The following ITGA8 variants were observed in gnomAD, a reference collection of about 807,000 sequenced individuals.
The protein encoded by ITGA8 is integrin subunit alpha 8.
Under a neutral mutation model 142.3 loss-of-function variants are expected in ITGA8, and 91 were observed. The observed-to-expected ratio is 0.64, with a 90% CI of 0.54 to 0.76. The LOEUF (loss-of-function observed/expected upper bound fraction) is 0.76, where lower values mean the gene tolerates loss of function less well. ITGA8 is among the 30% of genes least tolerant of loss of function. ITGA8 has a pLI of 0.00. For missense variants in ITGA8, 1,406 were observed against 1,327.7 expected (o/e 1.06, Z -0.92); for synonymous variants, 505 against 485.2 (o/e 1.04, Z -0.54).
At chr10:15,668,420 C>T (rs906764747) in intron 8 of ITGA8, among the ~76,000 whole-genome samples, 7 of 149,050 alleles carry the variant, frequency 4.7e-5, no homozygotes, top group South Asian at 2.2e-4. Flanking sequence ...TGTCTCTGCA[C>T]GTGAGATGGG....
At chr10:15,555,986 C>A (rs1480673787) in intron 26 of ITGA8, among the ~76,000 whole-genome samples, 1 of 147,372 alleles carries the variant, frequency 6.8e-6, no homozygotes, top group Non-Finnish European at 1.5e-5. Flanking sequence ...TACTCATTTG[C>A]CCTGCGGTCT....
chr10:15,668,108 T>A (rs570124661), intron 8 of ITGA8, among the ~76,000 whole-genome samples: 1 of 152,318 alleles, frequency 6.6e-6, no homozygotes, highest in African/African-American at 2.4e-5. Flanking sequence ...TGTCTAATGT[T>A]GACAGGGGGG....
chr10:15,530,278 TG>T (rs75316024), intron 28 of ITGA8, among the ~76,000 whole-genome samples: 25,620 of 152,074 alleles, frequency 0.17, 2,328 homozygotes, highest in Admixed American at 0.2. Context: ...CTGGGCGCAG[TG>T]GCTTATGCCT....
intron 25 of ITGA8, among the ~76,000 whole-genome samples, chr10:15,564,881 TG>T (rs1554773115): frequency 2.0e-5 from 3 of 152,206 alleles, no homozygotes; most frequent in Non-Finnish European, 4.4e-5. Flanking sequence ...AGACAAGCCC[TG>T]GGGGGCAGTC....
chr10:15,586,559 G>A (rs1832836654), intron 23 of ITGA8, 25 bp downstream of exon 23: 1 of 1,375,682 alleles, frequency 7.3e-7, no homozygotes. Context: ...GAAGGATATT[G>A]TACTATGCAT....
chr10:15,635,874 G>A (rs1588689228), intron 13 of ITGA8, among the ~76,000 whole-genome samples: 1 of 150,240 alleles, frequency 6.7e-6, no homozygotes, highest in South Asian at 2.1e-4. Flanking sequence ...TTTGGATAAA[G>A]CCTCCTTCCA....
At chr10:15,572,392 C>G (rs1467037917) in intron 24 of ITGA8, 23 bp from the exon 25 acceptor site, 44 of 1,610,350 alleles carry the variant, frequency 2.7e-5, no homozygotes, top group Non-Finnish European at 3.7e-5. Flanking sequence ...GACATGTTAT[C>G]TAATGACCCA....
intron 12 of ITGA8, among the ~76,000 whole-genome samples, chr10:15,645,137 T>C (rs899469276): frequency 3.4e-5 from 5 of 146,882 alleles, no homozygotes; most frequent in African/African-American, 7.5e-5. Context: ...AAAACTCAGA[T>C]TTTTGTAGAA....
chr10:15,549,968 T>C (rs1833765099), intron 26 of ITGA8, among the ~76,000 whole-genome samples: 1 of 152,134 alleles, frequency 6.6e-6, no homozygotes. Context: ...GAGGTGCTGA[T>C]GTTGTTTGGC....
At chr10:15,709,646 T>C (rs1835328022) in intron 2 of ITGA8, among the ~76,000 whole-genome samples, 1 of 152,198 alleles carries the variant, frequency 6.6e-6, no homozygotes, top group African/African-American at 2.4e-5. Flanking sequence ...CGGGCTCTTA[T>C]AACAAGTTTT....
chr10:15,634,285 C>T (rs1479044428), intron 13 of ITGA8, among the ~76,000 whole-genome samples: 1 of 151,844 alleles, frequency 6.6e-6, no homozygotes, highest in Non-Finnish European at 1.5e-5. Context: ...TGCGTTATGC[C>T]CATATAGTAA....
chr10:15,577,797 A>T (rs894669379), intron 23 of ITGA8, among the ~76,000 whole-genome samples: 1 of 152,186 alleles, frequency 6.6e-6, no homozygotes, highest in Non-Finnish European at 1.5e-5. Context: ...CAGTGTGGTC[A>T]TCTTACGACC....
intron 14 of ITGA8, among the ~76,000 whole-genome samples, chr10:15,614,722 C>G (rs1019535469): frequency 1.5e-4 from 23 of 152,096 alleles, no homozygotes; most frequent in Non-Finnish European, 1.0e-4. Context: ...AGGGCTGTGT[C>G]TTGGGGCTGA....
intron 3 of ITGA8, 55 bp downstream of exon 3, chr10:15,687,883 T>C: frequency 2.9e-6 from 3 of 1,034,426 alleles, no homozygotes; most frequent in Non-Finnish European, 4.6e-6. Context: ...CTTGAAAACA[T>C]TCCAGTGCAC....
chr10:15,532,250 T>C (rs1420744398), intron 27 of ITGA8, among the ~76,000 whole-genome samples: 3 of 151,530 alleles, frequency 2.0e-5, no homozygotes, highest in Non-Finnish European at 4.4e-5. Context: ...AAACCCTGTC[T>C]CTACTAAAAA....
intron 2 of ITGA8, among the ~76,000 whole-genome samples, chr10:15,705,706 C>A (rs771902664): frequency 6.6e-6 from 1 of 152,250 alleles, no homozygotes; most frequent in Non-Finnish European, 1.5e-5. Context: ...TCTCTCTTGA[C>A]ACACTCCACT....
chr10:15,643,892 A>G (rs2131646107), intron 13 of ITGA8, 138 bp downstream of exon 13: 1 of 655,712 alleles, frequency 1.5e-6, no homozygotes, highest in Non-Finnish European at 2.5e-6. Context: ...CTGGAATCGT[A>G]CATTAAAAAA....
chr10:15,604,355 T>A lies in ITGA8; in HGVS notation c.1971A>T (p.Pro657=). Reference sequence around the variant, plus strand: ...CTCCAATGATTACCTGATGCTTATCTCTAAAAATGCAGTTTAAAAAGAAGG... The same window carrying A: ...CTCCAATGATTACCTGATGCTTATCACTAAAAATGCAGTTTAAAAAGAAGG... ...CVPDLKLSAR[P]DKHQVIIGDE... Residue 657 remains proline, a splice_region_variant and synonymous_variant, in exon 20 of 30, where the codon CCA becomes CCT. Transcript: ENST00000378076. 1 of 1,605,662 alleles carries A rather than the reference T, an allele frequency of 6.2e-7. No homozygotes were observed. The highest frequency in any genetic ancestry group is 8.5e-7 in the Non-Finnish European group (1 of 1,176,932).
At chr10:15,700,574 A>G (rs529109961) in intron 2 of ITGA8, among the ~76,000 whole-genome samples, 2 of 152,334 alleles carry the variant, frequency 1.3e-5, no homozygotes, top group African/African-American at 2.4e-5. Flanking sequence ...GCTGGGACTT[A>G]ATTAAACTGA....
Sources: allele counts gnomAD v4.1 joint callset (sites outside exome capture counted in the v4.1 genomes callset), GRCh38; gene constraint gnomAD v4.1.1; transcripts MANE v1.5; gene names NCBI Gene and HGNC (gene_info 2026-07-23, HGNC 2026-07-21).